Variants in ABCB11 observed in about 807,000 individuals in gnomAD.
ABCB11 encodes the protein bile salt export pump.
In ABCB11, 95 loss-of-function variants were observed where a neutral mutation model predicts 148.0. The ratio of observed to expected loss-of-function variants is 0.64; its 90% CI spans 0.54 to 0.76. The LOEUF is 0.76. Ranked by LOEUF, ABCB11 falls within the 30% of genes least tolerant of loss-of-function variation. ABCB11 has a pLI of 0.00. For synonymous variants in ABCB11, 591 were observed against 555.4 expected (o/e 1.06, Z -0.90); for missense variants, 1,523 against 1,617.8 (o/e 0.94, Z 1.01).
chr2:169,014,276 T>G (rs1695286272), intron 4 of ABCB11, 27 bp downstream of exon 4: 2 of 1,603,330 alleles, frequency 1.2e-6, no homozygotes, highest in Middle Eastern at 1.7e-4. Context: ...GCACACCCAC[T>G]GCCATAAATC....
intron 8 of ABCB11, among the ~76,000 whole-genome samples, chr2:168,992,254 G>A (rs1416386238): frequency 6.6e-6 from 1 of 151,912 alleles, no homozygotes; most frequent in African/African-American, 2.4e-5. Context: ...GCTAGAAATG[G>A]GTACTGAGAT....
chr2:169,002,442 T>A (rs1694904587), intron 5 of ABCB11, among the ~76,000 whole-genome samples: 1 of 152,282 alleles, frequency 6.6e-6, no homozygotes, highest in East Asian at 1.9e-4. Flanking sequence ...AGCAATCCTA[T>A]ACTGGGTATA....
At chr2:168,964,392 A>G in intron 17 of ABCB11, 84 bp from the exon 18 acceptor site, 1 of 1,081,408 alleles carries the variant, frequency 9.2e-7, no homozygotes, top group Non-Finnish European at 1.4e-6. Context: ...TACATTTCAT[A>G]TGTCAAATAA....
chr2:168,977,894 G>A (rs1461705577), intron 11 of ABCB11, among the ~76,000 whole-genome samples: 1 of 152,072 alleles, frequency 6.6e-6, no homozygotes, highest in Non-Finnish European at 1.5e-5. Flanking sequence ...TCTGTCCCTC[G>A]ACACATGGGG....
At chr2:169,030,857 G>A (rs1026677591) in intron 1 of ABCB11, among the ~76,000 whole-genome samples, 2 of 152,188 alleles carry the variant, frequency 1.3e-5, no homozygotes, top group Non-Finnish European at 2.9e-5. Context: ...GATTATCAGA[G>A]CAAACAGAAT....
chr2:168,973,134 T>C (rs1693663646), intron 13 of ABCB11, among the ~76,000 whole-genome samples: 1 of 150,058 alleles, frequency 6.7e-6, no homozygotes. Context: ...ATTTTCGTTA[T>C]AATACAAAGA....
intron 3 of ABCB11, among the ~76,000 whole-genome samples, chr2:169,014,699 C>T (rs1695301242): frequency 6.6e-6 from 1 of 152,126 alleles, no homozygotes; most frequent in African/African-American, 2.4e-5. Flanking sequence ...TGCATTTCCT[C>T]ATGGGTAAGT....
chr2:169,030,537 C>T (rs1008159824), intron 1 of ABCB11, among the ~76,000 whole-genome samples: 2 of 152,082 alleles, frequency 1.3e-5, no homozygotes, highest in Non-Finnish European at 2.9e-5. Context: ...AAAGCTATTC[C>T]CCCTCAAAAT....
intron 1 of ABCB11, among the ~76,000 whole-genome samples, chr2:169,019,135 T>C (rs1352026815): frequency 6.6e-6 from 1 of 152,076 alleles, no homozygotes; most frequent in Non-Finnish European, 1.5e-5. Flanking sequence ...CATCTATTCC[T>C]TATGATGAAA....
At position 168,969,564 on chromosome 2, in the gene ABCB11, A is replaced by T. The variant is rs756049930; in HGVS notation, c.1810-13T>A. 1 of 1,608,380 alleles carries T rather than the reference A, an allele frequency of 6.2e-7. No individual in the cohort carries two copies. Reference sequence around the variant, plus strand: ...GCCCATGCTGAATCTGTAAGAATGTACAGTGCACCATTAAACAAAACTGTG... The same window carrying T: ...GCCCATGCTGAATCTGTAAGAATGTTCAGTGCACCATTAAACAAAACTGTG... On this transcript the variant is annotated splice_polypyrimidine_tract_variant and intron_variant, in intron 15 of 27. Coordinates refer to ENST00000650372, the MANE Select transcript of ABCB11 (RefSeq NM_003742.4).
chr2:169,001,508 G>T (rs749004368), intron 5 of ABCB11, among the ~76,000 whole-genome samples: 24 of 152,066 alleles, frequency 1.6e-4, no homozygotes, highest in Non-Finnish European at 1.8e-4. Flanking sequence ...GGATGAGTCA[G>T]GCCTCCCACA....
chr2:168,951,257 A>C (rs1400512769), intron 19 of ABCB11, among the ~76,000 whole-genome samples: 1 of 151,578 alleles, frequency 6.6e-6, no homozygotes, highest in Non-Finnish European at 1.5e-5. Context: ...TTCCATGTGA[A>C]TTTTAAAATT....
intron 25 of ABCB11, among the ~76,000 whole-genome samples, chr2:168,930,460 G>A (rs1369365479): frequency 6.6e-6 from 1 of 152,202 alleles, no homozygotes; most frequent in African/African-American, 2.4e-5. Context: ...CAGGCCATCT[G>A]GAACTGGGGA....
chr2:168,986,347 CA>C (rs1208517319), intron 9 of ABCB11, 63 bp from the exon 10 acceptor site: 2 of 1,414,554 alleles, frequency 1.4e-6, no homozygotes, highest in East Asian at 4.6e-5. Context: ...ATGTTTAAAA[CA>C]GGCCGTGATG....
intron 14 of ABCB11, chr2:168,970,682 C>G: frequency 3.5e-6 from 1 of 286,302 alleles, no homozygotes; most frequent in South Asian, 3.4e-5. Flanking sequence ...GATTATCTCA[C>G]AGGCCTAGCA....
chr2:169,009,826 G>T (rs773548828), intron 5 of ABCB11, among the ~76,000 whole-genome samples: 1 of 152,090 alleles, frequency 6.6e-6, no homozygotes, highest in Admixed American at 6.6e-5. Flanking sequence ...TGTACACTTC[G>T]AGTGGGTGAA....
intron 11 of ABCB11, among the ~76,000 whole-genome samples, 194 bp downstream of exon 11, chr2:168,979,672 C>CAAAAAA (rs55859131): frequency 1.0e-5 from 1 of 100,144 alleles, no homozygotes; most frequent in Non-Finnish European, 2.0e-5. Flanking sequence ...AACTCCATCT[C>CAAAAAA]AAAAAAAAAA....
intron 21 of ABCB11, among the ~76,000 whole-genome samples, chr2:168,944,356 G>A (rs1325684999): frequency 6.6e-6 from 1 of 151,976 alleles, no homozygotes; most frequent in East Asian, 1.9e-4. Context: ...TCCTAAGTTA[G>A]ACTCAGAGGA....
intron 5 of ABCB11, among the ~76,000 whole-genome samples, chr2:168,999,325 C>A (rs1053730385): frequency 6.6e-6 from 1 of 150,624 alleles, no homozygotes; most frequent in African/African-American, 2.4e-5. Context: ...ATTTACACAT[C>A]AAGCTTACAG....
Sources: allele counts gnomAD v4.1 joint callset (sites outside exome capture counted in the v4.1 genomes callset), GRCh38; gene constraint gnomAD v4.1.1; transcripts MANE v1.5; gene names NCBI Gene and HGNC (gene_info 2026-07-23, HGNC 2026-07-21).